ZNF284: variants seen among roughly 807,000 people sequenced by gnomAD.
ZNF284 encodes the protein zinc finger protein 284.
In ZNF284, 12 loss-of-function variants were observed where a neutral mutation model predicts 12.9. The observed-to-expected ratio is 0.93, with a 90% CI of 0.60 to 1.51. The LOEUF (loss-of-function observed/expected upper bound fraction) is 1.51, where lower values mean the gene tolerates loss of function less well. Ranked by LOEUF, ZNF284 falls within the 40% of genes most tolerant of loss-of-function variation. ZNF284 has a pLI of 0.00. For synonymous variants in ZNF284, 225 were observed against 236.5 expected (o/e 0.95, Z 0.45); for missense variants, 667 against 707.3 (o/e 0.94, Z 0.65).
rs1967279245 is a variant in ZNF284, at chr19:44,087,379, A to G, written c.*119A>G. On this transcript the variant is annotated 3_prime_UTR_variant, in exon 5 of 5. Transcript: ENST00000421176. ...TTTATCATTTATTTGTGGATCATTT[A>G]TCATTTCTTTGTGCTTTGAACGTTC... 1 of 861,448 alleles carries G rather than the reference A, an allele frequency of 1.2e-6. No homozygotes were observed. The highest frequency in any genetic ancestry group is 1.7e-6 in the Non-Finnish European group (1 of 597,750). 53.4% of individuals were successfully genotyped at this position (861,448 alleles called of 1,614,324 possible). A position where few individuals can be genotyped will look rare whatever the true frequency, so the allele number is the denominator to read the frequency against.
At position 44,081,108 on chromosome 19, in the gene ZNF284, A is replaced by G. The variant is rs1967116269; in HGVS notation, c.109A>G (p.Met37Val). 1 of 1,612,530 alleles carries G rather than the reference A, an allele frequency of 6.2e-7. No individual in the cohort carries two copies. The highest frequency in any genetic ancestry group is 8.5e-7 in the Non-Finnish European group (1 of 1,178,876). The stretch of plus-strand genomic sequence containing the variant: ...CCAGAGGAAGCTGTATCGAGATGTC[A>G]TGCTGGAGAACTTCAGAAACCTGCT... ...VSQRKLYRDV[M>V]LENFRNLLSV... The change falls in exon 3 of 5, where the codon ATG becomes GTG. Residue 37 changes from methionine (M) to valine (V), a missense_variant. Transcript: ENST00000421176.
At chr19:44,080,005 T>C (rs1178563642) in intron 2 of ZNF284, among the ~76,000 whole-genome samples, 1 of 152,214 alleles carries the variant, frequency 6.6e-6, no homozygotes, top group African/African-American at 2.4e-5. Flanking sequence ...TTTCCCCATT[T>C]ATATTCTCTT....
In ZNF284 at chr19:44,086,291, T is replaced by G. The variant is rs756497721; in HGVS notation, c.813T>G (p.Asn271Lys). Residue 271 changes from asparagine to lysine, a missense_variant, in exon 5 of 5, where the codon AAT becomes AAG. Physicochemically the swap from Asn to Lys is moderately conservative, Grantham distance 94. Transcript: ENST00000421176. ...CEECGKAFIH[N>K]SQLREHQRIH... ...AATGTGGGAAGGCCTTCATTCACAA[T>G]TCCCAGCTTCGGGAACATCAAAGAA... is the stretch of plus-strand genomic sequence containing the variant. The G allele has an allele frequency of 6.2e-7, 1 of 1,614,002 alleles. No homozygotes were observed. The highest frequency in any genetic ancestry group is 1.3e-5 in the African/African-American group (1 of 74,900).
chr19:44,074,580 G>C (rs138520141), intron 1 of ZNF284, among the ~76,000 whole-genome samples: 114 of 152,282 alleles, frequency 7.5e-4, no homozygotes, highest in African/African-American at 2.6e-3. Flanking sequence ...CTGCAGCAAA[G>C]AAGCCCACAT....
chr19:44,075,999 A>G (rs1309854899), intron 1 of ZNF284, among the ~76,000 whole-genome samples: 1 of 152,156 alleles, frequency 6.6e-6, no homozygotes, highest in Non-Finnish European at 1.5e-5. Flanking sequence ...TTTCATATAA[A>G]TGCGATCACA....
Position 44,086,866 on chromosome 19 carries a change from G to C in ZNF284, c.1388G>C (p.Ser463Thr). The stretch of plus-strand genomic sequence containing the variant: ...TATAATTGTAAGGAATGTGGAAAGA[G>C]CTTCAGGTGGGCCTCAGGTATTTTG... Reference protein sequence around the residue: ...RPYNCKECGKSFRWASGILRH... With the variant: ...RPYNCKECGKTFRWASGILRH... The change falls in exon 5 of 5, where the codon AGC (serine) becomes ACC (threonine). Residue 463 changes from serine (S) to threonine (T), a missense_variant. By Grantham distance (58) the Ser-to-Thr change is moderately conservative. Transcript: ENST00000421176. 3.7e-6 allele frequency: 6 copies of C among 1,613,896 alleles called. No homozygotes were observed. The highest frequency in any genetic ancestry group is 5.1e-6 in the Non-Finnish European group (6 of 1,179,950).
rs1967263769 is a variant in ZNF284, at chr19:44,086,852, G to A, written c.1374G>A (p.Lys458=). 1.9e-6 allele frequency: 3 copies of A among 1,613,688 alleles called. No homozygotes were observed. The highest frequency in any genetic ancestry group is 2.7e-5 in the African/African-American group (2 of 74,810). Residue 458 remains lysine (K), a synonymous_variant, in exon 5 of 5, where the codon AAG becomes AAA. Transcript: ENST00000421176. The part of the protein sequence containing the change: ...VHTGERPYNC[K]ECGKSFRWAS... Reference sequence around the variant, plus strand: ...CGGGAGAGAGACCTTATAATTGTAAGGAATGTGGAAAGAGCTTCAGGTGGG... The same window carrying A: ...CGGGAGAGAGACCTTATAATTGTAAAGAATGTGGAAAGAGCTTCAGGTGGG...
At chr19:44,079,294 C>T (rs1002997397) in intron 2 of ZNF284, among the ~76,000 whole-genome samples, 2 of 152,116 alleles carry the variant, frequency 1.3e-5, no homozygotes, top group African/African-American at 4.8e-5. Context: ...CAAAGAAATA[C>T]GAATAAAGGA....
rs1176996477 is a variant in ZNF284, at chr19:44,086,238, A to C, written c.760A>C (p.Thr254Pro). ...AATGTATGTTCATTGCAAATTACACACAGGAGAAAAACCTCATATTTGTGA... is the reference window on the plus strand; with the variant it reads ...AATGTATGTTCATTGCAAATTACACCCAGGAGAAAAACCTCATATTTGTGA... ...SGMYVHCKLH[T>P]GEKPHICEEC... is the part of the protein sequence containing the mutation. Residue 254 changes from threonine to proline, a missense_variant, in exon 5 of 5, where the codon ACA becomes CCA. Coordinates refer to ENST00000421176, the MANE Select transcript of ZNF284 (RefSeq NM_001037813.4). 1.2e-6 allele frequency: 2 copies of C among 1,614,238 alleles called. No individual in the cohort carries two copies. The highest frequency in any genetic ancestry group is 2.2e-5 in the South Asian group (2 of 91,084).
Position 44,086,940 on chromosome 19 carries a change from T to C in ZNF284, c.1462T>C (p.Cys488Arg). ...TGEKPFKCEE[C>R]GKRFTENSKL... ...AGAAAAACCATTCAAATGTGAAGAG[T>C]GTGGGAAGAGGTTTACTGAGAATTC... is the stretch of plus-strand genomic sequence containing the variant. The change falls in exon 5 of 5, where the codon TGT becomes CGT. Residue 488 changes from cysteine to arginine, a missense_variant. Transcript: ENST00000421176. The C allele has an allele frequency of 6.2e-7, 1 of 1,613,996 alleles. No homozygotes were observed. Among genetic ancestry groups the C allele is most frequent in the Non-Finnish European group, 8.5e-7 (1 of 1,180,004 alleles).
chr19:44,086,588 A>G lies in ZNF284; in HGVS notation c.1110A>G (p.Pro370=), dbSNP rs2147510525. 2.5e-6 allele frequency: 4 copies of G among 1,614,222 alleles called. No homozygotes were observed. The South Asian group carries it at 4.4e-5, about 18-fold the overall frequency. Residue 370 remains proline (P), a synonymous_variant, in exon 5 of 5, where the codon CCA becomes CCG. Coordinates refer to ENST00000421176, the MANE Select transcript of ZNF284 (RefSeq NM_001037813.4). Reference sequence around the variant, plus strand: ...AGATGGACCATACAGGAGACAAACCATATAATTGTAATGTATGTGGGAAGG... The same window carrying G: ...AGATGGACCATACAGGAGACAAACCGTATAATTGTAATGTATGTGGGAAGG... The part of the protein sequence containing the change: ...KHQMDHTGDK[P]YNCNVCGKGF...
Position 44,086,934 on chromosome 19 carries a change from G to A in ZNF284, c.1456G>A (p.Glu486Lys), listed in dbSNP as rs1568524692. The change falls in exon 5 of 5, where the codon GAA becomes AAA. Residue 486 changes from glutamate (E) to lysine (K), a missense_variant. Physicochemically the swap from Glu to Lys is moderately conservative, Grantham distance 56 (BLOSUM62 1). Coordinates refer to ENST00000421176, the MANE Select transcript of ZNF284 (RefSeq NM_001037813.4). ...LHTGEKPFKC[E>K]ECGKRFTENS... ...TACTGGAGAAAAACCATTCAAATGT[G>A]AAGAGTGTGGGAAGAGGTTTACTGA... The A allele has an allele frequency of 1.2e-6, 2 of 1,614,222 alleles. No homozygotes were observed. The highest frequency in any genetic ancestry group is 1.7e-6 in the Non-Finnish European group (2 of 1,180,044).
At chr19:44,073,781 C>T (rs1314899265) in intron 1 of ZNF284, among the ~76,000 whole-genome samples, 1 of 152,084 alleles carries the variant, frequency 6.6e-6, no homozygotes, top group Non-Finnish European at 1.5e-5. Context: ...ATCTCCTGAC[C>T]TCATGATCCA....
chr19:44,081,923 T>C (rs4553729), intron 3 of ZNF284, 90 bp from the exon 4 acceptor site: 945,423 of 953,006 alleles, frequency 0.99, 468,967 homozygotes, highest in East Asian at 1. Context: ...ACCATATCAG[T>C]GTTCAAGTTC....
Position 44,086,373 on chromosome 19 carries a change from A to C in ZNF284, c.895A>C (p.Arg299=). 3 of 1,614,146 alleles carry C rather than the reference A, an allele frequency of 1.9e-6. No homozygotes were observed. In the South Asian group the frequency reaches 3.3e-5, roughly 18 times the overall value. ...TATATGTGGTAAGAGCTTCCATAGT[A>C]GATCAAATCTTAATAGGCATTCCAT... is the stretch of plus-strand genomic sequence containing the variant. ...CYICGKSFHS[R]SNLNRHSMVH... Residue 299 remains arginine (R), a synonymous_variant, in exon 5 of 5, where the codon AGA becomes CGA. Coordinates refer to ENST00000421176, the MANE Select transcript of ZNF284 (RefSeq NM_001037813.4).
chr19:44,075,322 T>A (rs1967010641), intron 1 of ZNF284, among the ~76,000 whole-genome samples: 1 of 152,248 alleles, frequency 6.6e-6, no homozygotes, highest in South Asian at 2.1e-4. Context: ...ATGCATGGTT[T>A]TTTGAAGAGT....
At chr19:44,081,823 A>G (rs1355174283) in intron 3 of ZNF284, among the ~76,000 whole-genome samples, 190 bp from the exon 4 acceptor site, 1 of 152,174 alleles carries the variant, frequency 6.6e-6, no homozygotes, top group African/African-American at 2.4e-5. Flanking sequence ...AACTGCCCCC[A>G]TGATTTAATT....
rs55876899 is a variant in ZNF284, at chr19:44,088,049, C to T, written c.*789C>T. 97,353 of 151,856 alleles carry T rather than the reference C, an allele frequency of 0.64. 34,786 individuals carry two copies. Among genetic ancestry groups the T allele is most frequent in the Non-Finnish European group, 0.83 (56,144 of 67,938 alleles). The allele number at this position is 151,856 out of a possible 1,614,324, so 9.4% of individuals were successfully genotyped here. ...CCTCCCAAAGTGCTGGGATTACAGGCGTGAGCCACCATGCCCACCATGCCT... is the reference window on the plus strand; with the variant it reads ...CCTCCCAAAGTGCTGGGATTACAGGTGTGAGCCACCATGCCCACCATGCCT... On this transcript the variant is annotated 3_prime_UTR_variant, in exon 5 of 5. Transcript: ENST00000421176.
Position 44,088,228 on chromosome 19 carries a change from C to G in ZNF284, c.*968C>G, listed in dbSNP as rs1456527544. 1.3e-5 allele frequency: 2 copies of G among 151,100 alleles called. No homozygotes were observed. Among genetic ancestry groups the G allele is most frequent in the African/African-American group, 2.4e-5 (1 of 41,250 alleles). The allele number at this position is 151,100 out of a possible 1,614,324, so 9.4% of individuals were successfully genotyped here. A position where few individuals can be genotyped will look rare whatever the true frequency, so the allele number is the denominator to read the frequency against. On this transcript the variant is annotated 3_prime_UTR_variant, in exon 5 of 5. Coordinates refer to ENST00000421176, the MANE Select transcript of ZNF284 (RefSeq NM_001037813.4). ...GTGCCCAGCCAATGCTATGCTGCTT[C>G]TATGATGTCAACTTTTTAGCTTCCA...
Sources: gnomAD v4.1 joint callset for allele counts (sites outside exome capture counted in the v4.1 genomes callset) on GRCh38, gnomAD v4.1.1 for gene constraint, MANE v1.5 for transcripts, NCBI Gene and HGNC (gene_info 2026-07-23, HGNC 2026-07-21) for gene names.